The following BRDT variants were observed in gnomAD, a reference collection of about 807,000 sequenced individuals.
BRDT encodes the protein bromodomain testis associated.
In BRDT, 77 loss-of-function variants were observed where a neutral mutation model predicts 113.9. That is an observed-to-expected ratio of 0.68 (90% CI 0.56 to 0.82). The LOEUF (loss-of-function observed/expected upper bound fraction) is 0.82, where lower values mean the gene tolerates loss of function less well. BRDT is among the 40% of genes least tolerant of loss of function. The pLI is 0.00. For missense variants in BRDT, 1,027 were observed against 1,105.4 expected (o/e 0.93, Z 1.01); for synonymous variants, 358 against 366.5 (o/e 0.98, Z 0.26).
rs1466310472 is a variant in BRDT, at chr1:91,980,641, A to T, written c.1288-2A>T. The stretch of plus-strand genomic sequence containing the variant: ...GTTTACAGATTTTTTTTCTTTTATC[A>T]GCTTAAAGCTGTACATCAACAGCTC... On this transcript the variant is annotated splice_acceptor_variant, in intron 8 of 18. Coordinates refer to ENST00000399546, the MANE Select transcript of BRDT (RefSeq NM_207189.4). LOFTEE classifies it high-confidence loss of function. 1 of 1,452,954 alleles carries T rather than the reference A, an allele frequency of 6.9e-7. No homozygotes were observed. Among genetic ancestry groups the T allele is most frequent in the Non-Finnish European group, 9.1e-7 (1 of 1,103,784 alleles). The allele number at this position is 1,452,954 out of a possible 1,614,324, so 90.0% of individuals were successfully genotyped here. A position where few individuals can be genotyped will look rare whatever the true frequency, so the allele number is the denominator to read the frequency against.
intron 14 of BRDT, among the ~76,000 whole-genome samples, chr1:91,992,742 G>A (rs994536999): frequency 1.8e-4 from 28 of 152,046 alleles, no homozygotes; most frequent in African/African-American, 6.8e-4. Context: ...CACCATGTTG[G>A]CCAAGCTGGT....
intron 15 of BRDT, among the ~76,000 whole-genome samples, chr1:92,000,764 C>T (rs1243119915): frequency 1.3e-5 from 2 of 152,108 alleles, no homozygotes; most frequent in East Asian, 1.9e-4. Flanking sequence ...TTAAGTTTCA[C>T]GCATCAGGAT....
chr1:91,993,983 G>A (rs1040201580), intron 14 of BRDT, 100 bp from the exon 15 acceptor site: 5 of 949,466 alleles, frequency 5.3e-6, no homozygotes, highest in Non-Finnish European at 7.5e-6. Context: ...TTTTAAAAAG[G>A]TAGCATTAAA....
Position 91,962,928 on chromosome 1 carries a change from T to C in BRDT, c.174T>C (p.Ala58=). The change falls in exon 2 of 19, where the codon GCT becomes GCC. Residue 58 remains alanine, a synonymous_variant. Coordinates refer to ENST00000399546, the MANE Select transcript of BRDT (RefSeq NM_207189.4). The part of the protein sequence containing the change: ...FSWPFQRPVD[A]VKLQLPDYYT... ...GGCCCTTTCAACGTCCTGTGGATGC[T>C]GTGAAACTACAGTTGCCTGTATGTA... 1 of 1,598,632 alleles carries C rather than the reference T, an allele frequency of 6.3e-7. No individual in the cohort carries two copies. The highest frequency in any genetic ancestry group is 8.5e-7 in the Non-Finnish European group (1 of 1,174,810).
intron 15 of BRDT, among the ~76,000 whole-genome samples, chr1:91,995,282 G>T (rs931417198): frequency 6.6e-6 from 1 of 152,086 alleles, no homozygotes; most frequent in African/African-American, 2.4e-5. Context: ...CCACCCAAGG[G>T]CAGAGGTATC....
intron 15 of BRDT, among the ~76,000 whole-genome samples, chr1:91,996,393 C>T (rs888264747): frequency 2.0e-5 from 3 of 152,172 alleles, no homozygotes; most frequent in African/African-American, 7.2e-5. Context: ...GGATTACAGG[C>T]ATGCACCACC....
Position 91,964,780 on chromosome 1 carries a change from G to A in BRDT, c.330+16G>A, listed in dbSNP as rs372390778. On this transcript the variant is annotated intron_variant, in intron 3 of 18. Transcript: ENST00000399546. ...ATATAACAAGGTATGTAAGCCTTAT[G>A]TTATACTTGCTAATTCTTTGCCATT... is the stretch of plus-strand genomic sequence containing the variant. 2.1e-6 allele frequency: 3 copies of A among 1,399,240 alleles called. No individual in the cohort carries two copies. The allele number at this position is 1,399,240 out of a possible 1,614,324, so 86.7% of individuals were successfully genotyped here. A position where few individuals can be genotyped will look rare whatever the true frequency, so the allele number is the denominator to read the frequency against.
At chr1:91,982,174 A>G (rs550214807) in intron 12 of BRDT, among the ~76,000 whole-genome samples, 2 of 152,312 alleles carry the variant, frequency 1.3e-5, no homozygotes, top group East Asian at 3.9e-4. Context: ...TTGTGATACT[A>G]TGTTCTGAAT....
chr1:91,998,604 TG>T (rs1307693374), intron 15 of BRDT, among the ~76,000 whole-genome samples: 3 of 152,246 alleles, frequency 2.0e-5, no homozygotes, highest in Admixed American at 2.0e-4. Flanking sequence ...TCCAGGAGTT[TG>T]CTATCTCATA....
intron 18 of BRDT, among the ~76,000 whole-genome samples, chr1:92,013,562 AAGGCTTCAGAATATAGTTG>A (rs1252531309): frequency 6.6e-6 from 1 of 152,170 alleles, no homozygotes; most frequent in Non-Finnish European, 1.5e-5. Flanking sequence ...GCAGTTAGAA[AAGGCTTCAGAATATAGTTG>A]ACATTTGTTT....
chr1:91,952,588 G>A (rs1282533001), intron 1 of BRDT, among the ~76,000 whole-genome samples: 2 of 152,062 alleles, frequency 1.3e-5, no homozygotes, highest in African/African-American at 4.8e-5. Context: ...TATATGGAGG[G>A]AAGCTAGTAG....
intron 15 of BRDT, among the ~76,000 whole-genome samples, chr1:91,998,653 G>A (rs1686568331): frequency 6.6e-6 from 1 of 152,138 alleles, no homozygotes; most frequent in African/African-American, 2.4e-5. Flanking sequence ...TAAAAATAAT[G>A]TGCCCTGAAA....
chr1:91,963,881 T>C (rs999723016), intron 2 of BRDT, among the ~76,000 whole-genome samples: 1 of 139,696 alleles, frequency 7.2e-6, no homozygotes. Flanking sequence ...GAATATGGCC[T>C]TTTTTTTTTT....
At position 92,009,123 on chromosome 1, in the gene BRDT, C is replaced by A. The variant is rs371469171; in HGVS notation, c.2775+3824C>A. 2.7e-4 allele frequency among the ~76,000 whole-genome samples: 41 copies of A among 152,272 alleles called. 3 individuals carry two copies. In the South Asian group the frequency reaches 8.3e-3, roughly 31 times the overall value. ...TAATATTTCCTATCTCTACCCCCAA[C>A]CTCTCCCCATATCCTAATAAACTAC... On this transcript the variant is annotated intron_variant, in intron 18 of 18. Transcript: ENST00000399546.
At chr1:91,969,816 T>C (rs960593966) in intron 4 of BRDT, among the ~76,000 whole-genome samples, 10 of 136,920 alleles carry the variant, frequency 7.3e-5, no homozygotes, top group African/African-American at 2.2e-4. Flanking sequence ...TTTTTGTGTG[T>C]GTGTGTGTTT....
Position 91,981,257 on chromosome 1 carries a change from A to G in BRDT, c.1751-11A>G. ...GGTTATACTCACTTTCTTCCCTCCT[A>G]AATCACACAGCTAAGAAAATAATGA... is the stretch of plus-strand genomic sequence containing the variant. On this transcript the variant is annotated splice_polypyrimidine_tract_variant and intron_variant, in intron 10 of 18. Coordinates refer to ENST00000399546, the MANE Select transcript of BRDT (RefSeq NM_207189.4). The G allele has an allele frequency of 6.2e-7, 1 of 1,612,852 alleles. No individual in the cohort carries two copies. Among genetic ancestry groups the G allele is most frequent in the South Asian group, 1.1e-5 (1 of 90,888 alleles).
rs923928369 is a variant in BRDT at position 91,986,936 on chromosome 1, TA to T, written c.2003-4245del. Among the ~76,000 whole-genome samples, 120 of 72,800 alleles carry T rather than the reference TA, an allele frequency of 1.6e-3. 2 individuals carry two copies. Among genetic ancestry groups the T allele is most frequent in the Middle Eastern group, 0.02 (2 of 98 alleles). 47.8% of individuals were successfully genotyped at this position (72,800 alleles called of 152,430 possible). A position where few individuals can be genotyped will look rare whatever the true frequency, so the allele number is the denominator to read the frequency against. The stretch of plus-strand genomic sequence containing the variant: ...TTTATTAAATTATTTTAGACTTTTA[TA>T]AATTCTTTTTTTTTTTTTTGGAGAC... On this transcript the variant is annotated intron_variant, in intron 12 of 18. Transcript: ENST00000399546.
chr1:91,967,049 A>G (rs185504500), intron 3 of BRDT, among the ~76,000 whole-genome samples: 97 of 152,244 alleles, frequency 6.4e-4, no homozygotes, highest in African/African-American at 2.3e-3. Flanking sequence ...AGCCTGGGAG[A>G]CAGAGTGAGA....
chr1:91,952,487 A>G (rs1681205763), intron 1 of BRDT, among the ~76,000 whole-genome samples: 1 of 152,116 alleles, frequency 6.6e-6, no homozygotes, highest in Non-Finnish European at 1.5e-5. Context: ...AAAGGTGGAA[A>G]ATGCTCTGGG....
Sources: allele counts gnomAD v4.1 joint callset (sites outside exome capture counted in the v4.1 genomes callset), GRCh38; gene constraint gnomAD v4.1.1; transcripts MANE v1.5; gene names NCBI Gene and HGNC (gene_info 2026-07-23, HGNC 2026-07-21).